LASP1: variants seen among roughly 807,000 people sequenced by gnomAD.
The protein encoded by LASP1 is LIM and SH3 domain protein 1.
Under a neutral mutation model 38.6 loss-of-function variants are expected in LASP1, and 10 were observed. That is an observed-to-expected ratio of 0.26 (90% CI 0.16 to 0.44). LASP1 has a LOEUF of 0.44. LASP1 is among the 20% of genes least tolerant of loss of function. The pLI, the probability that LASP1 is intolerant of heterozygous loss-of-function variation, is 1.00. For missense variants in LASP1, 243 were observed against 375.7 expected, an observed-to-expected ratio of 0.65 and a Z score of 2.92; for synonymous variants, 132 against 140.8, an observed-to-expected ratio of 0.94 and a Z score of 0.44.
chr17:38,877,714 G>T (rs1356884935), intron 1 of LASP1, among the ~76,000 whole-genome samples: 1 of 152,198 alleles, frequency 6.6e-6, no homozygotes, highest in East Asian at 1.9e-4. Context: ...TAGCAACCCA[G>T]CGCAGCTTTG....
intron 2 of LASP1, among the ~76,000 whole-genome samples, chr17:38,882,228 G>C (rs1349932433): frequency 2.6e-5 from 4 of 152,210 alleles, no homozygotes; most frequent in Admixed American, 2.0e-4. Flanking sequence ...GCCAGTGGTG[G>C]AGGAAGAACT....
intron 3 of LASP1, among the ~76,000 whole-genome samples, chr17:38,895,912 C>T (rs958838993): frequency 2.0e-5 from 3 of 152,160 alleles, no homozygotes; most frequent in Non-Finnish European, 4.4e-5. Flanking sequence ...AATGGGAGCC[C>T]AGGTATCTCC....
At chr17:38,913,155 G>C (rs965630426) in intron 4 of LASP1, among the ~76,000 whole-genome samples, 1 of 152,202 alleles carries the variant, frequency 6.6e-6, no homozygotes, top group Non-Finnish European at 1.5e-5. Context: ...AAGACTCCTG[G>C]GTGGTGGTGG....
rs150761535 is a variant in LASP1, at chr17:38,890,453, G to A, written c.198G>A (p.Ala66=). ...HYPKQSFTMV[A]DTPENLRLKQ... ...CCAAGCAGTCCTTCACCATGGTGGCGGACACCCCGGAAAACCTTCGCCTCA... is the reference window on the plus strand; with the variant it reads ...CCAAGCAGTCCTTCACCATGGTGGCAGACACCCCGGAAAACCTTCGCCTCA... Residue 66 remains alanine, a synonymous_variant, in exon 3 of 7, where the codon GCG becomes GCA. Coordinates refer to ENST00000318008, the MANE Select transcript of LASP1 (RefSeq NM_006148.4). 4.3e-6 allele frequency: 7 copies of A among 1,614,034 alleles called. No homozygotes were observed. Among genetic ancestry groups the A allele is most frequent in the Non-Finnish European group, 4.2e-6 (5 of 1,180,006 alleles).
chr17:38,917,339 C>G (rs1915160629), intron 6 of LASP1, among the ~76,000 whole-genome samples: 1 of 152,100 alleles, frequency 6.6e-6, no homozygotes, highest in Admixed American at 6.6e-5. Flanking sequence ...AGAGACCAGT[C>G]AAGGGCAGTG....
chr17:38,900,791 C>G lies in LASP1; in HGVS notation c.357+2272C>G, dbSNP rs1225419225. Among the ~76,000 whole-genome samples the G allele has an allele frequency of 2.6e-5, 4 of 152,176 alleles. No homozygotes were observed. The East Asian group carries it at 7.7e-4, about 29-fold the overall frequency. On this transcript the variant is annotated intron_variant, in intron 4 of 6. Transcript: ENST00000318008. ...AAATGGCATGCTTCCCTTTGGCTAG[C>G]AGGGGATGCCTAGGGCGGGCACTCT...
intron 2 of LASP1, among the ~76,000 whole-genome samples, chr17:38,888,877 TC>T (rs1441007165): frequency 9.8e-6 from 1 of 102,536 alleles, no homozygotes; most frequent in East Asian, 3.5e-4. Context: ...CAGGCCCTCT[TC>T]CTGGGGACCA....
chr17:38,910,866 G>T (rs1185743171), intron 4 of LASP1, among the ~76,000 whole-genome samples: 5 of 152,054 alleles, frequency 3.3e-5, no homozygotes, highest in Non-Finnish European at 5.9e-5. Context: ...GGGATCACAG[G>T]TGCCTGCCAT....
intron 4 of LASP1, among the ~76,000 whole-genome samples, chr17:38,905,921 A>T (rs533008640): frequency 6.6e-6 from 1 of 152,130 alleles, no homozygotes; most frequent in Admixed American, 6.5e-5. Context: ...TTAGCCGTGC[A>T]TGGTGGCATC....
At chr17:38,878,618 C>T (rs996840433) in intron 2 of LASP1, among the ~76,000 whole-genome samples, 4 of 152,158 alleles carry the variant, frequency 2.6e-5, no homozygotes, top group African/African-American at 9.7e-5. Flanking sequence ...TCCCTTATTT[C>T]TCTCCTCAAA....
At chr17:38,887,985 A>C (rs1018941909) in intron 2 of LASP1, among the ~76,000 whole-genome samples, 2 of 152,120 alleles carry the variant, frequency 1.3e-5, no homozygotes, top group Non-Finnish European at 1.5e-5. Flanking sequence ...TCTATGGCTT[A>C]CCTGGGTGCA....
chr17:38,915,451 A>C, intron 6 of LASP1: 1 of 268,668 alleles, frequency 3.7e-6, no homozygotes, highest in South Asian at 5.3e-5. Context: ...GCCTTCCAGC[A>C]CTGGGCGCTG....
intron 2 of LASP1, among the ~76,000 whole-genome samples, chr17:38,878,967 C>G (rs1913861100): frequency 6.6e-6 from 1 of 151,456 alleles, no homozygotes; most frequent in African/African-American, 2.4e-5. Flanking sequence ...CCTCCCCTCC[C>G]ATCCCATCCC....
In LASP1 at chr17:38,878,187, C is replaced by T. The variant is rs1196257822; in HGVS notation, c.164+7C>T. The T allele has an allele frequency of 1.4e-5, 22 of 1,606,940 alleles. No homozygotes were observed. The highest frequency in any genetic ancestry group is 1.7e-5 in the Non-Finnish European group (20 of 1,173,952). On this transcript the variant is annotated splice_region_variant and intron_variant, in intron 2 of 6. Coordinates refer to ENST00000318008, the MANE Select transcript of LASP1 (RefSeq NM_006148.4). ...AGAAGCCCTACTGCAACGCGTGAGT[C>T]CTGTTCTGGGCAGGGGGCTGGGTGG...
intron 4 of LASP1, among the ~76,000 whole-genome samples, chr17:38,905,355 C>T (rs921523597): frequency 2.0e-5 from 3 of 151,720 alleles, no homozygotes; most frequent in African/African-American, 7.3e-5. Flanking sequence ...AGTGAAACCC[C>T]GTCTCAACTA....
At position 38,915,128 on chromosome 17, in the gene LASP1, C is replaced by A; in HGVS notation, c.594C>A (p.Ser198Arg). ...EPAAPVSIQR[S>R]APGGGGKRYR... ...CAGCCCCAGTCTCCATACAGCGCAG[C>A]GCCCCAGGTGGTGGCGGGGTGAGTA... The change falls in exon 6 of 7, where the codon AGC becomes AGA. Residue 198 changes from serine (S) to arginine (R), a missense_variant. This residue lies in a region of LASP1 where 165 missense variants were observed against 210.3 expected (regional missense o/e 0.78). Transcript: ENST00000318008. The A allele has an allele frequency of 6.2e-7, 1 of 1,613,750 alleles. No individual in the cohort carries two copies. Among genetic ancestry groups the A allele is most frequent in the Non-Finnish European group, 8.5e-7 (1 of 1,179,910 alleles).
At position 38,898,465 on chromosome 17, in the gene LASP1, G is replaced by A. The variant is rs1318854441; in HGVS notation, c.303G>A (p.Val101=). Reference sequence around the variant, plus strand: ...ACAAGGGCAAAGGTTTCAGCGTAGTGGCAGACACGCCCGAGCTCCAGAGAA... The same window carrying A: ...ACAAGGGCAAAGGTTTCAGCGTAGTAGCAGACACGCCCGAGCTCCAGAGAA... ...EKNKGKGFSV[V]ADTPELQRIK... Residue 101 remains valine, a synonymous_variant, in exon 4 of 7, where the codon GTG becomes GTA. Transcript: ENST00000318008. 4 of 1,551,662 alleles carry A rather than the reference G, an allele frequency of 2.6e-6. No homozygotes were observed. Among genetic ancestry groups the A allele is most frequent in the African/African-American group, 1.4e-5 (1 of 73,164 alleles).
At chr17:38,888,498 G>A (rs543438366) in intron 2 of LASP1, among the ~76,000 whole-genome samples, 31 of 152,192 alleles carry the variant, frequency 2.0e-4, no homozygotes, top group Non-Finnish European at 3.8e-4. Flanking sequence ...GGCTGGTCTC[G>A]AACTCCTGGC....
At chr17:38,882,455 C>T (rs548731772) in intron 2 of LASP1, among the ~76,000 whole-genome samples, 97 of 152,206 alleles carry the variant, frequency 6.4e-4, no homozygotes, top group African/African-American at 2.3e-3. Flanking sequence ...TCCATGTTGG[C>T]CAGGCTGATC....
Sources: allele counts gnomAD v4.1 joint callset (sites outside exome capture counted in the v4.1 genomes callset), GRCh38; gene constraint gnomAD v4.1.1; regional missense constraint gnomAD v4.1.1; transcripts MANE v1.5; gene names NCBI Gene and HGNC (gene_info 2026-07-23, HGNC 2026-07-21).